CTTNBP2NL: variants seen among roughly 807,000 people sequenced by gnomAD.
The protein encoded by CTTNBP2NL is CTTNBP2 N-terminal like, also known as CTTNBP2 N-terminal-like protein.
A neutral mutation model predicts 32.5 loss-of-function variants in CTTNBP2NL; 16 were observed. The ratio of observed to expected loss-of-function variants is 0.49; its 90% confidence interval spans 0.33 to 0.75. The LOEUF is 0.75. Among genes scored for constraint, CTTNBP2NL ranks in the 30% least tolerant of loss-of-function variants. The pLI is 0.02. For missense variants in CTTNBP2NL, 645 were observed against 756.0 expected, an observed-to-expected ratio of 0.85 and a Z score of 1.72; for synonymous variants, 298 against 289.4, an observed-to-expected ratio of 1.03 and a Z score of -0.30.
chr1:112,409,453 C>G (rs1648789637), intron 1 of CTTNBP2NL, among the ~76,000 whole-genome samples: 1 of 152,034 alleles, frequency 6.6e-6, no homozygotes, highest in East Asian at 1.9e-4. Context: ...TGAGGCATTT[C>G]TATGTCAGGA....
At chr1:112,391,800 G>A (rs549091636), upstream of CTTNBP2NL, among the ~76,000 whole-genome samples, 7 of 152,164 alleles carry the variant, frequency 4.6e-5, no homozygotes, top group East Asian at 1.4e-3. Context: ...GACCAGCCTG[G>A]CCAACATAGT....
At chr1:112,413,126 A>T (rs1032707450) in intron 2 of CTTNBP2NL, among the ~76,000 whole-genome samples, 2 of 152,226 alleles carry the variant, frequency 1.3e-5, no homozygotes, top group African/African-American at 2.4e-5. Flanking sequence ...TATATTTATC[A>T]TAACAGATCA....
At chr1:112,410,563 A>G (rs1648826188) in intron 1 of CTTNBP2NL, among the ~76,000 whole-genome samples, 1 of 152,204 alleles carries the variant, frequency 6.6e-6, no homozygotes, top group Non-Finnish European at 1.5e-5. Context: ...TGGCTATGCC[A>G]CAGTGTATGA....
upstream of CTTNBP2NL, among the ~76,000 whole-genome samples, chr1:112,395,867 T>C (rs977295916): frequency 4.6e-5 from 7 of 152,212 alleles, no homozygotes; most frequent in Admixed American, 4.6e-4. Flanking sequence ...CCTCCATTCC[T>C]AAACTCCGCG....
chr1:112,404,552 G>T (rs1035424289), intron 1 of CTTNBP2NL, among the ~76,000 whole-genome samples: 2 of 152,096 alleles, frequency 1.3e-5, no homozygotes, highest in African/African-American at 4.8e-5. Flanking sequence ...TAGAATTGTG[G>T]CCCATGAATC....
intron 3 of CTTNBP2NL, among the ~76,000 whole-genome samples, chr1:112,437,754 A>C (rs1649779403): frequency 6.6e-6 from 1 of 151,882 alleles, no homozygotes; most frequent in Non-Finnish European, 1.5e-5. Context: ...CGATCTCCTG[A>C]GCTTGTGATC....
intron 3 of CTTNBP2NL, among the ~76,000 whole-genome samples, chr1:112,431,399 A>G (rs1649566123): frequency 2.6e-5 from 4 of 152,256 alleles, no homozygotes; most frequent in Admixed American, 2.6e-4. Flanking sequence ...TTAGTATTCC[A>G]GTTTAGCCAG....
At chr1:112,391,819 G>T (rs565831557), upstream of CTTNBP2NL, among the ~76,000 whole-genome samples, 2 of 152,128 alleles carry the variant, frequency 1.3e-5, no homozygotes, top group South Asian at 4.2e-4. Context: ...GTGAAACCCT[G>T]CCTCTACTGA....
At chr1:112,396,497 C>T (rs1049729560) in intron 1 of CTTNBP2NL, 2 of 152,272 alleles carry the variant, frequency 1.3e-5, no homozygotes, top group Non-Finnish European at 2.9e-5. Context: ...CGTCGATTCC[C>T]AGCTCCTCAG....
intron 2 of CTTNBP2NL, among the ~76,000 whole-genome samples, chr1:112,415,101 G>A (rs1649016666): frequency 6.6e-6 from 1 of 152,096 alleles, no homozygotes; most frequent in African/African-American, 2.4e-5. Flanking sequence ...TGAGGCGGGA[G>A]AATTACTTGA....
chr1:112,439,080 A>G (rs994766158), intron 3 of CTTNBP2NL, among the ~76,000 whole-genome samples: 8 of 152,136 alleles, frequency 5.3e-5, no homozygotes, highest in African/African-American at 1.9e-4. Flanking sequence ...CCGACTTGTG[A>G]CATAGGGCTT....
chr1:112,439,292 A>C (rs1649828928), intron 3 of CTTNBP2NL, among the ~76,000 whole-genome samples: 1 of 152,012 alleles, frequency 6.6e-6, no homozygotes, highest in Non-Finnish European at 1.5e-5. Context: ...CAAATTTCTT[A>C]TTCCTGTTAC....
At chr1:112,398,435 G>C (rs1648394378) in intron 1 of CTTNBP2NL, among the ~76,000 whole-genome samples, 1 of 152,082 alleles carries the variant, frequency 6.6e-6, no homozygotes, top group South Asian at 2.1e-4. Context: ...ATCTTTCACA[G>C]TTCCTAGTAT....
intron 1 of CTTNBP2NL, among the ~76,000 whole-genome samples, chr1:112,408,208 C>CT (rs35497062): frequency 0.12 from 15,208 of 128,498 alleles, 3,150 homozygotes; most frequent in African/African-American, 0.43. Context: ...TACTTTCTTT[C>CT]TTTTTTTTTT....
At chr1:112,394,205 T>C (rs1260670298), upstream of CTTNBP2NL, among the ~76,000 whole-genome samples, 1 of 73,308 alleles carries the variant, frequency 1.4e-5, no homozygotes, top group South Asian at 3.8e-4. Context: ...TCCATCTCGA[T>C]AAAAAAAAAA....
chr1:112,449,624 CTAT>C (rs568667440), intron 4 of CTTNBP2NL, among the ~76,000 whole-genome samples: 123 of 151,984 alleles, frequency 8.1e-4, no homozygotes, highest in African/African-American at 2.9e-3. Flanking sequence ...TCATTTATTC[CTAT>C]TATTCCTAGT....
chr1:112,394,216 A>G (rs1436211576), upstream of CTTNBP2NL, among the ~76,000 whole-genome samples: 7 of 151,952 alleles, frequency 4.6e-5, no homozygotes, highest in African/African-American at 1.7e-4. Flanking sequence ...AAAAAAAAAA[A>G]AAAAAAAGAA....
chr1:112,415,863 T>C, intron 2 of CTTNBP2NL: 1 of 318,982 alleles, frequency 3.1e-6, no homozygotes, highest in South Asian at 2.8e-5. Context: ...CCCTAGCGGC[T>C]AATTCTTTCT....
chr1:112,391,384 G>A (rs1648176729), upstream of CTTNBP2NL, among the ~76,000 whole-genome samples: 1 of 152,156 alleles, frequency 6.6e-6, no homozygotes, highest in East Asian at 1.9e-4. Context: ...TCTACATCTA[G>A]CTCACTCAGC....
Sources: allele counts gnomAD v4.1 joint callset (sites outside exome capture counted in the v4.1 genomes callset), GRCh38; gene constraint gnomAD v4.1.1; transcripts MANE v1.5; gene names NCBI Gene and HGNC (gene_info 2026-07-23, HGNC 2026-07-21).